ATG4D: variants seen among roughly 807,000 people sequenced by gnomAD.
ATG4D encodes cysteine protease ATG4D.
A neutral mutation model predicts 55.2 loss-of-function variants in ATG4D; 51 were observed. That is an observed-to-expected ratio of 0.92 (90% CI 0.74 to 1.17). The LOEUF (loss-of-function observed/expected upper bound fraction) is 1.17, where lower values mean the gene tolerates loss of function less well. ATG4D is among the 50% of genes most tolerant of loss of function. The pLI is 0.00. For missense variants in ATG4D, 635 were observed against 649.6 expected, an observed-to-expected ratio of 0.98 and a Z score of 0.25; for synonymous variants, 268 against 266.2, an observed-to-expected ratio of 1.01 and a Z score of -0.07.
chr19:10,545,136 C>A lies in ATG4D; in HGVS notation c.493+6C>A, dbSNP rs750370214. On this transcript the variant is annotated splice_donor_region_variant and intron_variant, in intron 3 of 9. Transcript: ENST00000309469. ...GCTGCATTTCCTGCCCAGAGGTGAG[C>A]CATAGGGGGGAAGGGGTGCACTAGG... The A allele has an allele frequency of 6.2e-7, 1 of 1,607,588 alleles. No individual in the cohort carries two copies. The highest frequency in any genetic ancestry group is 1.1e-5 in the South Asian group (1 of 91,066).
intron 6 of ATG4D, among the ~76,000 whole-genome samples, chr19:10,551,580 A>T (rs1005532615): frequency 1.3e-5 from 2 of 151,890 alleles, no homozygotes; most frequent in Non-Finnish European, 2.9e-5. Flanking sequence ...GGTGCCTGTA[A>T]TCCCAGCTAC....
intron 9 of ATG4D, 44 bp from the exon 10 acceptor site, chr19:10,552,841 C>T (rs767946477): frequency 1.3e-6 from 2 of 1,568,694 alleles, no homozygotes; most frequent in East Asian, 4.5e-5. Flanking sequence ...AGGAATATGG[C>T]TTGGCACTGT....
intron 3 of ATG4D, among the ~76,000 whole-genome samples, chr19:10,545,627 C>T (rs1599516290): frequency 2.7e-5 from 4 of 147,088 alleles, no homozygotes; most frequent in African/African-American, 7.6e-5. Flanking sequence ...CCTGTAATCC[C>T]AGCACTTTGG....
In ATG4D at chr19:10,547,005, C is replaced by T. The variant is rs759497777; in HGVS notation, c.660C>T (p.Ala220=). ...RRHRQIVSWF[A]DHPRAPFGLH... The stretch of plus-strand genomic sequence containing the variant: ...ACCGGCAGATTGTGTCCTGGTTCGC[C>T]GACCACCCCCGGGCCCCCTTTGGCC... Residue 220 remains alanine (A), a synonymous_variant, in exon 4 of 10, where the codon GCC becomes GCT. Coordinates refer to ENST00000309469, the MANE Select transcript of ATG4D (RefSeq NM_032885.6). The T allele has an allele frequency of 2.2e-5, 35 of 1,588,258 alleles. No homozygotes were observed. The highest frequency in any genetic ancestry group is 5.5e-5 in the Admixed American group (3 of 54,194).
At position 10,552,893 on chromosome 19, in the gene ATG4D, C is replaced by T. The variant is rs554435116; in HGVS notation, c.1251C>T (p.Ser417=). Residue 417 remains serine (S), a synonymous_variant, in exon 10 of 10, where the codon AGC becomes AGT. Coordinates refer to ENST00000309469, the MANE Select transcript of ATG4D (RefSeq NM_032885.6). ...CTCCCTCTTCCCGCCAGGTCCTCAG[C>T]TCCTCCTCAGCCACAGAGCGGTACC... ...TLCSELTRVL[S]SSSATERYPM... 2.5e-6 allele frequency: 4 copies of T among 1,579,544 alleles called. No homozygotes were observed. Among genetic ancestry groups the T allele is most frequent in the East Asian group, 2.2e-5 (1 of 44,680 alleles).
intron 3 of ATG4D, among the ~76,000 whole-genome samples, chr19:10,545,436 G>T (rs1916003258): frequency 6.6e-6 from 1 of 151,706 alleles, no homozygotes; most frequent in Admixed American, 6.6e-5. Context: ...GCCGGTTGTG[G>T]TGGCACACGC....
Position 10,549,035 on chromosome 19 carries a change from G to GTA in ATG4D, c.966+2_966+3dup. ...CCCCGTGTATGTGCCCTGCGTGAAG[G>GTA]TAGGTTCAGCTGAATTCTAGGACAC... On this transcript the variant is annotated splice_donor_variant, in intron 6 of 9. Transcript: ENST00000309469. LOFTEE classifies it high-confidence loss of function. 1 of 1,614,094 alleles carries GTA rather than the reference G, an allele frequency of 6.2e-7. No individual in the cohort carries two copies. Among genetic ancestry groups the GTA allele is most frequent in the Admixed American group, 1.7e-5 (1 of 59,988 alleles).
At chr19:10,544,924 C>G (rs1652643108) in intron 2 of ATG4D, 33 bp from the exon 3 acceptor site, 26 of 1,583,748 alleles carry the variant, frequency 1.6e-5, no homozygotes, top group Non-Finnish European at 2.0e-5. Flanking sequence ...GCCGGAGTGT[C>G]CCTGGTGGCA....
Position 10,552,950 on chromosome 19 carries a change from G to A in ATG4D, c.1308G>A (p.Gln436=). The A allele has an allele frequency of 6.2e-7, 1 of 1,613,764 alleles. No homozygotes were observed. The highest frequency in any genetic ancestry group is 1.1e-5 in the South Asian group (1 of 91,086). ...TCACCCTGGCCGAGGGCCATGCTCAGGACCACAGCCTGGACGACCTCTGCT... is the reference window on the plus strand; with the variant it reads ...TCACCCTGGCCGAGGGCCATGCTCAAGACCACAGCCTGGACGACCTCTGCT... ...PMFTLAEGHA[Q]DHSLDDLCSQ... The change falls in exon 10 of 10, where the codon CAG becomes CAA. Residue 436 remains glutamine (Q), a synonymous_variant. Coordinates refer to ENST00000309469, the MANE Select transcript of ATG4D (RefSeq NM_032885.6).
chr19:10,549,435 T>G (rs1262952354), intron 6 of ATG4D, among the ~76,000 whole-genome samples: 1 of 151,292 alleles, frequency 6.6e-6, no homozygotes, highest in Non-Finnish European at 1.5e-5. Context: ...CCTTTTTTTT[T>G]GAGACAGAGT....
intron 5 of ATG4D, 75 bp from the exon 6 acceptor site, chr19:10,548,829 C>A (rs1916129814): frequency 1.3e-6 from 2 of 1,556,566 alleles, no homozygotes; most frequent in Admixed American, 1.8e-5. Flanking sequence ...TGAGGTTGAG[C>A]CCCTGGGGTT....
chr19:10,548,274 C>A (rs963398919), intron 5 of ATG4D, among the ~76,000 whole-genome samples: 1 of 147,736 alleles, frequency 6.8e-6, no homozygotes, highest in African/African-American at 2.5e-5. Flanking sequence ...ACCTCATGAT[C>A]CCCCCTCCTC....
Position 10,553,080 on chromosome 19 carries a change from A to G in ATG4D, c.*13A>G, listed in dbSNP as rs1916347838. 16 of 1,589,456 alleles carry G rather than the reference A, an allele frequency of 1.0e-5. No individual in the cohort carries two copies. Among genetic ancestry groups the G allele is most frequent in the Non-Finnish European group, 1.4e-5 (16 of 1,169,304 alleles). On this transcript the variant is annotated 3_prime_UTR_variant, in exon 10 of 10. Transcript: ENST00000309469. ...TGTGTTTTTATAAAGGGAGGGGATGAGGGGAAAGATACAACACTATTTATT... is the reference window on the plus strand; with the variant it reads ...TGTGTTTTTATAAAGGGAGGGGATGGGGGGAAAGATACAACACTATTTATT...
chr19:10,548,754 G>A (rs1481647817), intron 5 of ATG4D, 150 bp from the exon 6 acceptor site: 8 of 1,187,980 alleles, frequency 6.7e-6, no homozygotes, highest in South Asian at 1.6e-5. Flanking sequence ...GGGGGTGTTT[G>A]GGGGGCACTA....
Position 10,548,956 on chromosome 19 carries a change from G to C in ATG4D, c.888G>C (p.Glu296Asp). The C allele has an allele frequency of 1.2e-6, 2 of 1,614,132 alleles. No individual in the cohort carries two copies. Among genetic ancestry groups the C allele is most frequent in the Non-Finnish European group, 1.7e-6 (2 of 1,180,020 alleles). The change falls in exon 6 of 10, where the codon GAG becomes GAC. Residue 296 changes from glutamate (E) to aspartate (D), a missense_variant. Physicochemically the swap from Glu to Asp is conservative, Grantham distance 45. Transcript: ENST00000309469. ...RLVARPDPTA[E>D]WKSVVILVPV... Reference sequence around the variant, plus strand: ...TGGCCAGGCCAGACCCCACAGCCGAGTGGAAGTCTGTGGTCATCCTGGTGC... The same window carrying C: ...TGGCCAGGCCAGACCCCACAGCCGACTGGAAGTCTGTGGTCATCCTGGTGC...
intron 8 of ATG4D, 37 bp downstream of exon 8, chr19:10,552,158 C>T (rs371715950): frequency 2.5e-5 from 41 of 1,610,392 alleles, no homozygotes; most frequent in Middle Eastern, 3.3e-4. Flanking sequence ...GGGGCCATGG[C>T]GGGTGGGCAG....
intron 3 of ATG4D, 118 bp downstream of exon 3, chr19:10,545,248 A>C (rs1915997483): frequency 3.0e-6 from 4 of 1,349,528 alleles, no homozygotes; most frequent in Non-Finnish European, 4.0e-6. Context: ...GTGTCAAGTA[A>C]GTTTTGGAGA....
At chr19:10,547,388 C>T (rs1916073132) in intron 5 of ATG4D, 135 bp downstream of exon 5, 1 of 1,055,118 alleles carries the variant, frequency 9.5e-7, no homozygotes, top group South Asian at 1.5e-5. Flanking sequence ...GGATGCAAGG[C>T]CTGTGCAGTG....
chr19:10,552,654 C>T (rs1916312396), intron 9 of ATG4D, among the ~76,000 whole-genome samples: 1 of 152,170 alleles, frequency 6.6e-6, no homozygotes, highest in Non-Finnish European at 1.5e-5. Flanking sequence ...CCTGTGGTCA[C>T]TGGAAGGGAA....
Sources: allele counts gnomAD v4.1 joint callset (sites outside exome capture counted in the v4.1 genomes callset), GRCh38; gene constraint gnomAD v4.1.1; transcripts MANE v1.5; gene names NCBI Gene and HGNC (gene_info 2026-07-23, HGNC 2026-07-21).